SPIDR: variants seen among roughly 807,000 people sequenced by gnomAD.
SPIDR encodes the protein scaffold protein involved in DNA repair, also known as DNA repair-scaffolding protein.
In SPIDR, 93 loss-of-function variants were observed where a neutral mutation model predicts 104.6. The observed-to-expected ratio is 0.89, with a 90% confidence interval of 0.75 to 1.06. SPIDR has a LOEUF of 1.06. SPIDR is among the 50% of genes least tolerant of loss of function. The pLI is 0.00. For missense variants in SPIDR, 1,154 were observed against 1,111.2 expected, an observed-to-expected ratio of 1.04 and a Z score of -0.55; for synonymous variants, 431 against 416.9, an observed-to-expected ratio of 1.03 and a Z score of -0.41.
chr8:47,420,773 T>C (rs1299811561), intron 7 of SPIDR, among the ~76,000 whole-genome samples: 2 of 152,366 alleles, frequency 1.3e-5, no homozygotes, highest in South Asian at 2.1e-4. Context: ...TTTTCATGTT[T>C]AGTGCTTCCT....
intron 11 of SPIDR, among the ~76,000 whole-genome samples, chr8:47,693,645 C>T (rs1156766056): frequency 6.6e-6 from 1 of 152,050 alleles, no homozygotes; most frequent in Non-Finnish European, 1.5e-5. Context: ...TCAGGAGGTT[C>T]ACATTCTCGT....
At chr8:47,293,204 G>A (rs987528399) in intron 4 of SPIDR, among the ~76,000 whole-genome samples, 2 of 151,528 alleles carry the variant, frequency 1.3e-5, no homozygotes, top group African/African-American at 2.4e-5. Context: ...ATAGCTCACC[G>A]CAGTTTCAAA....
intron 1 of SPIDR, among the ~76,000 whole-genome samples, chr8:47,276,155 C>G (rs908441644): frequency 6.6e-5 from 10 of 152,184 alleles, no homozygotes; most frequent in African/African-American, 1.9e-4. Flanking sequence ...GCCACCATGC[C>G]TTGCCTGTTA....
chr8:47,287,664 A>G (rs2039120064), intron 3 of SPIDR, among the ~76,000 whole-genome samples: 1 of 152,222 alleles, frequency 6.6e-6, no homozygotes, highest in Non-Finnish European at 1.5e-5. Context: ...TGCAAGAAGA[A>G]AAATATGGCT....
At chr8:47,405,805 T>TA (rs1298819840) in intron 6 of SPIDR, among the ~76,000 whole-genome samples, 1 of 152,288 alleles carries the variant, frequency 6.6e-6, no homozygotes, top group East Asian at 1.9e-4. Context: ...TAACATGAGA[T>TA]ATGTTTTTAC....
At chr8:47,277,910 T>A in intron 1 of SPIDR, among the ~76,000 whole-genome samples, 1 of 152,044 alleles carries the variant, frequency 6.6e-6, no homozygotes, top group East Asian at 1.9e-4. Flanking sequence ...CCTGACTTTG[T>A]GATTCGCCCG....
At chr8:47,370,848 C>T (rs782426585) in intron 5 of SPIDR, among the ~76,000 whole-genome samples, 9 of 151,968 alleles carry the variant, frequency 5.9e-5, no homozygotes, top group Non-Finnish European at 1.3e-4. Context: ...AAAAAAATAA[C>T]CTCACCTTTT....
intron 10 of SPIDR, among the ~76,000 whole-genome samples, chr8:47,634,892 T>G (rs2067652135): frequency 6.6e-6 from 1 of 152,176 alleles, no homozygotes; most frequent in African/African-American, 2.4e-5. Flanking sequence ...TGGAGAAAGT[T>G]TTTCACCATC....
At chr8:47,349,686 C>T (rs2053023882) in intron 5 of SPIDR, among the ~76,000 whole-genome samples, 1 of 152,228 alleles carries the variant, frequency 6.6e-6, no homozygotes, top group Non-Finnish European at 1.5e-5. Flanking sequence ...GCAGTCGCAC[C>T]TCCCCCAGCA....
At chr8:47,546,775 G>T in intron 8 of SPIDR, 1 of 194,338 alleles carries the variant, frequency 5.1e-6, no homozygotes, top group South Asian at 9.5e-5. Flanking sequence ...TATGTACAAA[G>T]ATCTAATTTG....
intron 8 of SPIDR, among the ~76,000 whole-genome samples, chr8:47,482,140 T>G (rs2076965727): frequency 6.6e-6 from 1 of 152,206 alleles, no homozygotes; most frequent in Non-Finnish European, 1.5e-5. Flanking sequence ...GATATTGTCA[T>G]GAGCAGTTCC....
At chr8:47,715,943 G>T (rs2082517660) in intron 16 of SPIDR, among the ~76,000 whole-genome samples, 1 of 150,584 alleles carries the variant, frequency 6.6e-6, no homozygotes. Context: ...TACACTAGGG[G>T]TTTGTGCCTC....
intron 8 of SPIDR, among the ~76,000 whole-genome samples, chr8:47,568,051 C>T (rs1314093242): frequency 6.6e-6 from 1 of 152,118 alleles, no homozygotes; most frequent in Non-Finnish European, 1.5e-5. Context: ...TCTGGGATTA[C>T]AGGCATGAGA....
chr8:47,613,384 T>C (rs1369160975), intron 10 of SPIDR, among the ~76,000 whole-genome samples: 7 of 152,266 alleles, frequency 4.6e-5, no homozygotes, highest in Admixed American at 4.6e-4. Flanking sequence ...TCACATCTTA[T>C]GCATTTATCA....
intron 5 of SPIDR, among the ~76,000 whole-genome samples, chr8:47,373,346 T>C (rs2058266276): frequency 6.6e-6 from 1 of 152,220 alleles, no homozygotes; most frequent in African/African-American, 2.4e-5. Flanking sequence ...AGCAAAGTTT[T>C]ACTTATAGTG....
chr8:47,450,951 T>C (rs1006266899), intron 8 of SPIDR, among the ~76,000 whole-genome samples: 6 of 152,190 alleles, frequency 3.9e-5, no homozygotes, highest in African/African-American at 7.2e-5. Context: ...GTGGGATAAT[T>C]AGATTCCCAG....
chr8:47,294,203 G>A, intron 5 of SPIDR, 173 bp downstream of exon 5: 1 of 748,006 alleles, frequency 1.3e-6, no homozygotes, highest in Non-Finnish European at 2.0e-6. Context: ...TGCTTGTGCT[G>A]TACTTCTCAA....
intron 7 of SPIDR, among the ~76,000 whole-genome samples, chr8:47,411,920 C>A (rs562735812): frequency 1.3e-5 from 2 of 152,244 alleles, no homozygotes; most frequent in South Asian, 4.1e-4. Context: ...GATTCCTTTC[C>A]CCATTTCTTG....
Position 47,556,263 on chromosome 8 carries a change from A to G in SPIDR, c.1098-39548A>G, listed in dbSNP as rs144294174. The stretch of plus-strand genomic sequence containing the variant: ...GTGGGGCTGGCTGGCTGGATGTGCA[A>G]TTTTTGTTCACTGGCTTAGCTTCCC... On this transcript the variant is annotated intron_variant, in intron 8 of 19. Coordinates refer to ENST00000297423, the MANE Select transcript of SPIDR (RefSeq NM_001080394.4). 2.8e-3 allele frequency among the ~76,000 whole-genome samples: 420 copies of G among 152,254 alleles called. 1 individual carries two copies. The highest frequency in any genetic ancestry group is 9.9e-3 in the African/African-American group (410 of 41,534).
Sources: gnomAD v4.1 joint callset for allele counts (sites outside exome capture counted in the v4.1 genomes callset) on GRCh38, gnomAD v4.1.1 for gene constraint, MANE v1.5 for transcripts, NCBI Gene and HGNC (gene_info 2026-07-23, HGNC 2026-07-21) for gene names.